The following LIMCH1 variants were observed in gnomAD, a reference collection of about 807,000 sequenced individuals.
LIMCH1 encodes the protein LIM and calponin homology domains 1.
A neutral mutation model predicts 176.5 loss-of-function variants in LIMCH1; 113 were observed. That is an observed-to-expected ratio of 0.64 (90% CI 0.55 to 0.75). LIMCH1 has a LOEUF of 0.75. LIMCH1 is among the 30% of genes least tolerant of loss of function. The pLI, the probability that LIMCH1 is intolerant of heterozygous loss-of-function variation, is 0.00. For missense variants in LIMCH1, 1,674 were observed against 1,814.9 expected, an observed-to-expected ratio of 0.92 and a Z score of 1.41; for synonymous variants, 619 against 645.9, an observed-to-expected ratio of 0.96 and a Z score of 0.63.
chr4:41,384,530 C>T (rs565390652), intron 1 of LIMCH1, among the ~76,000 whole-genome samples: 85 of 152,212 alleles, frequency 5.6e-4, no homozygotes, highest in African/African-American at 1.9e-3. Context: ...TCTTGGTCAT[C>T]ACAGAATCCT....
intron 1 of LIMCH1, among the ~76,000 whole-genome samples, chr4:41,409,266 T>G (rs1157206442): frequency 2.0e-5 from 3 of 152,208 alleles, no homozygotes; most frequent in Non-Finnish European, 4.4e-5. Flanking sequence ...GTTTGGCTCA[T>G]TATGACTCAT....
intron 1 of LIMCH1, among the ~76,000 whole-genome samples, chr4:41,398,479 T>A (rs1378619529): frequency 1.3e-5 from 2 of 152,214 alleles, no homozygotes; most frequent in Non-Finnish European, 2.9e-5. Context: ...TTTTCTCACA[T>A]ATCTCTTTTT....
At chr4:41,524,769 GA>G (rs2076458637) in intron 3 of LIMCH1, among the ~76,000 whole-genome samples, 1 of 152,192 alleles carries the variant, frequency 6.6e-6, no homozygotes, top group African/African-American at 2.4e-5. Flanking sequence ...CTTGGGGGAG[GA>G]ATGTGATTTT....
chr4:41,677,435 G>T (rs1174676651), intron 23 of LIMCH1, among the ~76,000 whole-genome samples: 1 of 152,038 alleles, frequency 6.6e-6, no homozygotes, highest in South Asian at 2.1e-4. Context: ...AAAAGAAAAA[G>T]AAATGTTTGC....
At chr4:41,591,708 A>T (rs934593040) in intron 1 of LIMCH1, among the ~76,000 whole-genome samples, 1 of 152,216 alleles carries the variant, frequency 6.6e-6, no homozygotes, top group Non-Finnish European at 1.5e-5. Context: ...TGCATTTTAA[A>T]TATGTGGCAG....
intron 2 of LIMCH1, among the ~76,000 whole-genome samples, chr4:41,602,526 T>C (rs916238402): frequency 2.6e-5 from 4 of 152,222 alleles, no homozygotes; most frequent in African/African-American, 7.2e-5. Context: ...AAATCTTTTA[T>C]AGATTTTTAA....
intron 1 of LIMCH1, among the ~76,000 whole-genome samples, chr4:41,430,941 A>G (rs765261564): frequency 6.6e-6 from 1 of 152,056 alleles, no homozygotes; most frequent in Non-Finnish European, 1.5e-5. Flanking sequence ...AACCAGCATT[A>G]TGGCTTCATG....
intron 1 of LIMCH1, among the ~76,000 whole-genome samples, chr4:41,455,992 T>C (rs918879923): frequency 4.6e-5 from 7 of 152,232 alleles, no homozygotes; most frequent in Non-Finnish European, 8.8e-5. Flanking sequence ...TTATTTCCAA[T>C]TTTATTTAAC....
chr4:41,419,627 CTTCCTTCCTCCTTCCTTTCTTCCTCCT>C (rs1561310717), intron 1 of LIMCH1, among the ~76,000 whole-genome samples: 54 of 91,250 alleles, frequency 5.9e-4, no homozygotes, highest in Middle Eastern at 5.8e-3. Flanking sequence ...TCCTTCCTTC[CTTCCTTCCTCCTTCCTTTCTTCCTCCT>C]TCCTTCCTTC....
chr4:41,360,381 G>A (rs966747380), upstream of LIMCH1, among the ~76,000 whole-genome samples: 1 of 151,906 alleles, frequency 6.6e-6, no homozygotes, highest in Non-Finnish European at 1.5e-5. This position sits in a 1 kb window ranked among gnomAD's most constrained non-coding sequence, Gnocchi z 4.5. Flanking sequence ...CCCACTGGGC[G>A]CGCGTCTCCC....
At chr4:41,428,553 C>G (rs2061324490) in intron 1 of LIMCH1, among the ~76,000 whole-genome samples, 1 of 151,768 alleles carries the variant, frequency 6.6e-6, no homozygotes, top group South Asian at 2.1e-4. Context: ...ATGCATTTGG[C>G]CATTTGGAGT....
chr4:41,526,378 TAA>T (rs2076658181), intron 3 of LIMCH1, among the ~76,000 whole-genome samples: 1 of 151,974 alleles, frequency 6.6e-6, no homozygotes, highest in Admixed American at 6.6e-5. Flanking sequence ...CTTTCTTAAG[TAA>T]AGTCACCTAC....
At chr4:41,514,887 T>C (rs568519543) in intron 2 of LIMCH1, among the ~76,000 whole-genome samples, 27 of 152,314 alleles carry the variant, frequency 1.8e-4, no homozygotes, top group Middle Eastern at 3.4e-3. Flanking sequence ...AACTTGGAAG[T>C]TATTTCCCTA....
intron 1 of LIMCH1, among the ~76,000 whole-genome samples, chr4:41,581,146 C>CTATCTATCTATCTATCTATCTATCT (rs5857802): frequency 6.1e-5 from 9 of 148,478 alleles, no homozygotes; most frequent in African/African-American, 2.0e-4. Flanking sequence ...ATCTATCTAT[C>CTATCTATCTATCTATCTATCTATCT]ATCTAATCAA....
In LIMCH1 at chr4:41,644,582, C is replaced by T. The variant is rs2093982614; in HGVS notation, c.2209C>T (p.Leu737=). 6.2e-7 allele frequency: 1 copy of T among 1,611,582 alleles called. No homozygotes were observed. Among genetic ancestry groups the T allele is most frequent in the Middle Eastern group, 1.7e-4 (1 of 6,058 alleles). Residue 737 remains leucine, a synonymous_variant, in exon 15 of 32, where the codon CTG becomes TTG. Transcript: ENST00000503057. The part of the protein sequence containing the change: ...HSRARQEQLQ[L]INNQLREEDD... The stretch of plus-strand genomic sequence containing the variant: ...CAGGGCCCGCCAGGAGCAGCTGCAG[C>T]TGATAAATAACCAGCTGAGGGAAGA...
At chr4:41,364,897 C>CT (rs148627191) in intron 1 of LIMCH1, among the ~76,000 whole-genome samples, 43 of 151,284 alleles carry the variant, frequency 2.8e-4, no homozygotes, top group South Asian at 1.3e-3. Context: ...TTATTTCCTT[C>CT]TTTTTTTTTG....
chr4:41,631,487 GC>G lies in LIMCH1; in HGVS notation c.1601+12del. ...GACAAAATGACTGCAGGTATTTTTT[GC>G]CATACGTGTGCAAGGATATCTGCAT... On this transcript the variant is annotated intron_variant, in intron 10 of 31. Transcript: ENST00000503057. The G allele has an allele frequency of 6.7e-7, 1 of 1,495,778 alleles. No homozygotes were observed. The highest frequency in any genetic ancestry group is 8.9e-7 in the Non-Finnish European group (1 of 1,127,922). 92.7% of individuals were successfully genotyped at this position (1,495,778 alleles called of 1,614,324 possible). A position where few individuals can be genotyped will look rare whatever the true frequency, so the allele number is the denominator to read the frequency against.
intron 2 of LIMCH1, among the ~76,000 whole-genome samples, chr4:41,505,139 G>A (rs996176289): frequency 2.0e-5 from 3 of 152,106 alleles, no homozygotes; most frequent in African/African-American, 7.2e-5. Context: ...TCCCCCGTTC[G>A]TCTATGTAAC....
rs1384865111 is a variant in LIMCH1 at position 41,360,791 on chromosome 4, G to A, written c.-50G>A. 2.8e-6 allele frequency: 4 copies of A among 1,415,142 alleles called. No homozygotes were observed. The highest frequency in any genetic ancestry group is 3.0e-5 in the East Asian group (1 of 33,000). The allele number at this position is 1,415,142 out of a possible 1,614,324, so 87.7% of individuals were successfully genotyped here. On this transcript the variant is annotated 5_prime_UTR_variant, in exon 1 of 27. Transcript: ENST00000313860. The surrounding 1 kb of genome is among the most constrained non-coding windows in gnomAD (Gnocchi z 4.5). Reference sequence around the variant, plus strand: ...GGGAGCGCGCTCCTGCGGCGGCGACGGCGGCGGCCGTCCTCATCCCGGCGC... The same window carrying A: ...GGGAGCGCGCTCCTGCGGCGGCGACAGCGGCGGCCGTCCTCATCCCGGCGC...
Sources: gnomAD v4.1 joint callset for allele counts (sites outside exome capture counted in the v4.1 genomes callset) on GRCh38, gnomAD v4.1.1 for gene constraint, Gnocchi (gnomAD v3.1) non-coding constraint, MANE v1.5 for transcripts, NCBI Gene and HGNC (gene_info 2026-07-23, HGNC 2026-07-21) for gene names.